ANKS1B: variants seen among roughly 807,000 people sequenced by gnomAD.
The protein encoded by ANKS1B is ankyrin repeat and sterile alpha motif domain-containing protein 1B.
In ANKS1B, 36 loss-of-function variants were observed where a neutral mutation model predicts 148.3. The observed-to-expected ratio is 0.24, with a 90% CI of 0.19 to 0.32. The LOEUF is 0.32. Among genes scored for constraint, ANKS1B ranks in the 10% least tolerant of loss-of-function variants. The pLI is 1.00. For synonymous variants in ANKS1B, 542 were observed against 560.8 expected, an observed-to-expected ratio of 0.97 and a Z score of 0.47; for missense variants, 1,157 against 1,542.6, an observed-to-expected ratio of 0.75 and a Z score of 4.19.
chr12:99,504,927 A>G (rs2096692561), intron 9 of ANKS1B, among the ~76,000 whole-genome samples: 1 of 152,222 alleles, frequency 6.6e-6, no homozygotes, highest in African/African-American at 2.4e-5. Context: ...CTGCTGGTTA[A>G]CTAATCAACA....
chr12:99,982,470 TTCC>T (rs376277928), intron 1 of ANKS1B, among the ~76,000 whole-genome samples: 4 of 152,194 alleles, frequency 2.6e-5, no homozygotes, highest in South Asian at 2.1e-4. Flanking sequence ...TCTCAAATAA[TTCC>T]TCATGTTTTC....
intron 15 of ANKS1B, among the ~76,000 whole-genome samples, chr12:99,124,043 G>T (rs2063628958): frequency 6.6e-6 from 1 of 152,162 alleles, no homozygotes; most frequent in Non-Finnish European, 1.5e-5. Context: ...GGAAACCACT[G>T]TAAGGGATTT....
intron 9 of ANKS1B, among the ~76,000 whole-genome samples, chr12:99,630,005 T>C (rs1463223788): frequency 3.9e-5 from 6 of 152,156 alleles, no homozygotes; most frequent in African/African-American, 1.4e-4. Context: ...TTTTAAAAAA[T>C]CCTAGGTGTA....
At chr12:99,322,426 T>C (rs923995957) in intron 12 of ANKS1B, among the ~76,000 whole-genome samples, 1 of 146,260 alleles carries the variant, frequency 6.8e-6, no homozygotes. Flanking sequence ...GACACACGTA[T>C]ACTCATGTAA....
intron 17 of ANKS1B, among the ~76,000 whole-genome samples, chr12:98,917,745 C>A (rs544183178): frequency 1.1e-4 from 17 of 152,244 alleles, no homozygotes; most frequent in African/African-American, 4.1e-4. Context: ...TGAAGCAAAT[C>A]CTGCGTGAAC....
At chr12:99,327,369 A>G (rs1463860481) in intron 12 of ANKS1B, among the ~76,000 whole-genome samples, 3 of 119,100 alleles carry the variant, frequency 2.5e-5, no homozygotes, top group Non-Finnish European at 4.8e-5. Context: ...ATATAATTAC[A>G]TATTATATAT....
intron 11 of ANKS1B, among the ~76,000 whole-genome samples, chr12:99,409,274 A>G (rs1459851631): frequency 1.3e-5 from 2 of 152,242 alleles, no homozygotes; most frequent in African/African-American, 2.4e-5. Flanking sequence ...GCATGTTCTC[A>G]TTTATTTGTA....
At chr12:98,754,881 T>C (rs906888671) in intron 25 of ANKS1B, among the ~76,000 whole-genome samples, 5 of 152,264 alleles carry the variant, frequency 3.3e-5, no homozygotes, top group Non-Finnish European at 7.3e-5. Context: ...TCCTGCCTAA[T>C]GGCTTCTTCT....
chr12:98,785,842 TTTA>T (rs1297102739), intron 22 of ANKS1B, among the ~76,000 whole-genome samples: 4 of 152,220 alleles, frequency 2.6e-5, no homozygotes, highest in Admixed American at 2.6e-4. Flanking sequence ...AAATTCAAGC[TTTA>T]TTGATTTGTA....
At chr12:98,936,404 G>A (rs1341321582) in intron 17 of ANKS1B, among the ~76,000 whole-genome samples, 7 of 152,122 alleles carry the variant, frequency 4.6e-5, no homozygotes, top group African/African-American at 7.2e-5. Context: ...TGAGGTGGGC[G>A]GATCATGAGG....
Position 98,883,713 on chromosome 12 carries a change from G to GA in ANKS1B, c.2779-51578dup, listed in dbSNP as rs534002775. Among the ~76,000 whole-genome samples the GA allele has an allele frequency of 2.8e-4, 42 of 152,274 alleles. No individual in the cohort carries two copies. In the East Asian group the frequency reaches 7.1e-3, roughly 26 times the overall value. On this transcript the variant is annotated intron_variant, in intron 17 of 26. Transcript: ENST00000683438. ...AGGTTGGCTTTACAAATTAGGAGCC[G>GA]AAAGCCCAGAGAGATTGAGTAGTTG...
At chr12:99,663,283 T>A (rs1318405419) in intron 8 of ANKS1B, among the ~76,000 whole-genome samples, 2 of 152,128 alleles carry the variant, frequency 1.3e-5, no homozygotes, top group Non-Finnish European at 2.9e-5. Flanking sequence ...AGATATCACA[T>A]GCCACAGTTG....
chr12:99,000,433 T>C (rs1302340875), intron 17 of ANKS1B, among the ~76,000 whole-genome samples: 1 of 152,134 alleles, frequency 6.6e-6, no homozygotes, highest in East Asian at 1.9e-4. Flanking sequence ...CATGCCTGGC[T>C]AATTTTTGTA....
chr12:99,609,279 C>G (rs2097878970), intron 9 of ANKS1B, among the ~76,000 whole-genome samples: 1 of 151,922 alleles, frequency 6.6e-6, no homozygotes, highest in Admixed American at 6.6e-5. Context: ...CCAGGACAAA[C>G]AACAAATAAT....
At chr12:98,827,730 T>C (rs547863163) in intron 19 of ANKS1B, among the ~76,000 whole-genome samples, 141 of 152,188 alleles carry the variant, frequency 9.3e-4, no homozygotes, top group Non-Finnish European at 1.5e-3. Context: ...AATTCTGCTA[T>C]ACTGCGGTTG....
At chr12:98,920,766 A>G (rs2099800359) in intron 17 of ANKS1B, among the ~76,000 whole-genome samples, 2 of 152,222 alleles carry the variant, frequency 1.3e-5, no homozygotes, top group Admixed American at 6.5e-5. Flanking sequence ...TCTTCTAGCA[A>G]GAAGCAGCTG....
chr12:98,874,802 A>C (rs1366825992), intron 17 of ANKS1B, among the ~76,000 whole-genome samples: 2 of 152,214 alleles, frequency 1.3e-5, no homozygotes, highest in South Asian at 2.1e-4. Context: ...AATAACACTG[A>C]AAAGTACACA....
At chr12:98,743,829 T>C, downstream of ANKS1B, 1 of 216,312 alleles carries the variant, frequency 4.6e-6, no homozygotes, top group Non-Finnish European at 7.9e-6. Context: ...CTCAGACTGG[T>C]TGAACTTGGA....
At chr12:98,805,846 C>G (rs774959888) in intron 20 of ANKS1B, among the ~76,000 whole-genome samples, 4 of 151,888 alleles carry the variant, frequency 2.6e-5, no homozygotes, top group South Asian at 2.1e-4. Context: ...AAGGAAAAAC[C>G]CTTCTCTATG....
Sources: allele counts gnomAD v4.1 joint callset (sites outside exome capture counted in the v4.1 genomes callset), GRCh38; gene constraint gnomAD v4.1.1; transcripts MANE v1.5; gene names NCBI Gene and HGNC (gene_info 2026-07-23, HGNC 2026-07-21).